Variants in OR9Q1 observed in about 807,000 individuals in gnomAD.
OR9Q1 encodes olfactory receptor family 9 subfamily Q member 1, also known as olfactory receptor 9Q1.
For synonymous variants in OR9Q1, 153 were observed against 148.6 expected (o/e 1.03, Z -0.22); for missense variants, 374 against 378.8 (o/e 0.99, Z 0.11).
intron 2 of OR9Q1, among the ~76,000 whole-genome samples, chr11:58,137,904 C>G (rs1201784147): frequency 6.6e-6 from 1 of 152,160 alleles, no homozygotes; most frequent in Non-Finnish European, 1.5e-5. Flanking sequence ...TTCATAGATA[C>G]TCTTTTCCTC....
At chr11:58,153,070 G>C (rs1854369895) in intron 2 of OR9Q1, among the ~76,000 whole-genome samples, 1 of 152,330 alleles carries the variant, frequency 6.6e-6, no homozygotes, top group East Asian at 1.9e-4. Context: ...CATTCTAGAA[G>C]ATAGAGGGAT....
intron 2 of OR9Q1, among the ~76,000 whole-genome samples, chr11:58,138,922 C>G (rs1854215158): frequency 6.6e-6 from 1 of 152,148 alleles, no homozygotes; most frequent in Non-Finnish European, 1.5e-5. Flanking sequence ...ATTTCACCCC[C>G]CAACCTCTGT....
intron 1 of OR9Q1, among the ~76,000 whole-genome samples, chr11:58,053,403 A>G (rs1337576833): frequency 7.6e-6 from 1 of 130,808 alleles, no homozygotes; most frequent in Non-Finnish European, 1.6e-5. Flanking sequence ...AACAATGAGA[A>G]CACATGGACA....
intron 2 of OR9Q1, 68 bp from the exon 3 acceptor site, chr11:58,179,363 G>A (rs1341163012): frequency 5.1e-6 from 5 of 986,274 alleles, no homozygotes; most frequent in Non-Finnish European, 7.6e-6. Context: ...TTCAATAAAT[G>A]TGAACTACAA....
chr11:58,147,734 T>C (rs1854312119), intron 2 of OR9Q1, among the ~76,000 whole-genome samples: 1 of 152,214 alleles, frequency 6.6e-6, no homozygotes, highest in African/African-American at 2.4e-5. Context: ...TGGGGAATGG[T>C]GTATGTTGTA....
intron 2 of OR9Q1, among the ~76,000 whole-genome samples, chr11:58,143,165 A>T (rs755412842): frequency 6.6e-5 from 10 of 152,208 alleles, no homozygotes; most frequent in Non-Finnish European, 1.0e-4. Flanking sequence ...CACTCATATT[A>T]TCTCAGAATT....
chr11:58,053,414 C>G (rs1279357718), intron 1 of OR9Q1, among the ~76,000 whole-genome samples: 1 of 119,122 alleles, frequency 8.4e-6, no homozygotes, highest in African/African-American at 3.2e-5. Context: ...CACATGGACA[C>G]AGGAAGGGGC....
intron 2 of OR9Q1, chr11:58,109,075 TCA>T (rs772630152): frequency 1.3e-5 from 6 of 475,786 alleles, no homozygotes; most frequent in South Asian, 7.6e-5. Flanking sequence ...AATGACAATC[TCA>T]GTTTGTGTCA....
intron 2 of OR9Q1, chr11:58,077,838 G>A (rs572526412): frequency 2.6e-5 from 4 of 152,308 alleles, no homozygotes; most frequent in Admixed American, 6.5e-5. Flanking sequence ...CTCAGGTGTA[G>A]GCATTCACCA....
At chr11:58,167,960 C>T (rs1854520609) in intron 2 of OR9Q1, among the ~76,000 whole-genome samples, 1 of 152,168 alleles carries the variant, frequency 6.6e-6, no homozygotes, top group Non-Finnish European at 1.5e-5. Flanking sequence ...AAGGGTGGAG[C>T]TGCCATCACA....
At chr11:58,065,516 T>A (rs1183471328) in intron 2 of OR9Q1, among the ~76,000 whole-genome samples, 1 of 152,224 alleles carries the variant, frequency 6.6e-6, no homozygotes, top group Non-Finnish European at 1.5e-5. Context: ...GCTCACAGAT[T>A]GAAGTCTGGT....
intron 2 of OR9Q1, among the ~76,000 whole-genome samples, chr11:58,136,640 G>T (rs962008002): frequency 6.6e-6 from 1 of 152,154 alleles, no homozygotes; most frequent in African/African-American, 2.4e-5. Context: ...ACATGGCAAG[G>T]TGCAACTGTT....
chr11:58,055,654 G>T (rs538535208), intron 1 of OR9Q1, among the ~76,000 whole-genome samples: 1 of 152,130 alleles, frequency 6.6e-6, no homozygotes, highest in East Asian at 1.9e-4. Context: ...CAAAAATGTA[G>T]CCAGGCATGG....
chr11:58,140,174 T>C (rs1854232846), intron 2 of OR9Q1, among the ~76,000 whole-genome samples: 1 of 152,186 alleles, frequency 6.6e-6, no homozygotes, highest in African/African-American at 2.4e-5. Flanking sequence ...TCATTGTAGA[T>C]TCTGGATATT....
At chr11:58,125,990 C>T (rs759475199) in intron 2 of OR9Q1, among the ~76,000 whole-genome samples, 4 of 152,190 alleles carry the variant, frequency 2.6e-5, no homozygotes, top group Non-Finnish European at 5.9e-5. Flanking sequence ...AGTCCCATAT[C>T]AGGGGCTGAA....
At chr11:58,119,287 A>C (rs1853999563) in intron 2 of OR9Q1, 1 of 1,613,874 alleles carries the variant, frequency 6.2e-7, no homozygotes, top group African/African-American at 1.3e-5. Context: ...GTAGAGTTTG[A>C]CATCTACTTG....
chr11:58,105,276 A>T (rs1853829222), intron 2 of OR9Q1, among the ~76,000 whole-genome samples: 1 of 152,192 alleles, frequency 6.6e-6, no homozygotes, highest in African/African-American at 2.4e-5. Context: ...TGACATGCAA[A>T]TGAAATGACG....
chr11:58,111,494 T>C (rs1014880978), intron 2 of OR9Q1, among the ~76,000 whole-genome samples: 1 of 152,222 alleles, frequency 6.6e-6, no homozygotes, highest in African/African-American at 2.4e-5. Flanking sequence ...CCATCGCCTT[T>C]AGTTCTGTTG....
intron 1 of OR9Q1, chr11:58,044,138 C>G (rs1853193582): frequency 5.3e-5 from 8 of 152,128 alleles, no homozygotes; most frequent in Admixed American, 4.6e-4. Flanking sequence ...AATTTAATAG[C>G]CTCAAATGGC....
Sources: allele counts gnomAD v4.1 joint callset (sites outside exome capture counted in the v4.1 genomes callset), GRCh38; gene constraint gnomAD v4.1.1; transcripts MANE v1.5; gene names NCBI Gene and HGNC (gene_info 2026-07-23, HGNC 2026-07-21).